The following GLYR1 variants were observed in gnomAD, a reference collection of about 807,000 sequenced individuals.
The protein encoded by GLYR1 is cytokine-like nuclear factor N-PAC.
In GLYR1, 21 loss-of-function variants were observed where a neutral mutation model predicts 72.7. The observed-to-expected ratio is 0.29, with a 90% CI of 0.20 to 0.42. GLYR1 has a LOEUF of 0.42. Ranked by LOEUF, GLYR1 falls within the 10% of genes least tolerant of loss-of-function variation. GLYR1 has a pLI of 1.00. For synonymous variants in GLYR1, 392 were observed against 270.2 expected, an observed-to-expected ratio of 1.45 and a Z score of -4.42; for missense variants, 594 against 712.1, an observed-to-expected ratio of 0.83 and a Z score of 1.89.
chr16:4,834,754 G>T (rs1458575043), intron 3 of GLYR1, among the ~76,000 whole-genome samples: 1 of 152,030 alleles, frequency 6.6e-6, no homozygotes, highest in African/African-American at 2.4e-5. Context: ...GTGTGAGCCA[G>T]CAAACTCCTT....
intron 2 of GLYR1, 115 bp downstream of exon 2, chr16:4,846,059 C>T: frequency 2.7e-6 from 3 of 1,106,556 alleles, no homozygotes. Flanking sequence ...ATTCTAAGTG[C>T]CATCTGAATG....
chr16:4,824,375 C>G (rs999025650), intron 5 of GLYR1, among the ~76,000 whole-genome samples: 3 of 151,690 alleles, frequency 2.0e-5, no homozygotes, highest in African/African-American at 7.3e-5. Context: ...TTAGCTGCAC[C>G]TGTACTCCCA....
intron 14 of GLYR1, 49 bp from the exon 15 acceptor site, chr16:4,811,343 A>G: frequency 6.2e-7 from 1 of 1,609,378 alleles, no homozygotes; most frequent in Non-Finnish European, 8.5e-7. Flanking sequence ...CCTGAAACTA[A>G]AAACTACTTA....
intron 15 of GLYR1, among the ~76,000 whole-genome samples, chr16:4,810,731 A>AAAT (rs1567654038): frequency 2.8e-5 from 4 of 142,492 alleles, no homozygotes; most frequent in African/African-American, 1.0e-4. Flanking sequence ...AAAAAAAAAA[A>AAAT]AATTAGCCGG....
intron 3 of GLYR1, among the ~76,000 whole-genome samples, chr16:4,835,239 C>T (rs1446078998): frequency 6.6e-6 from 1 of 152,132 alleles, no homozygotes; most frequent in African/African-American, 2.4e-5. Context: ...GAACCCGATT[C>T]TGAGGGAACA....
intron 3 of GLYR1, chr16:4,843,799 T>A: frequency 3.1e-6 from 1 of 324,786 alleles, no homozygotes; most frequent in Non-Finnish European, 4.6e-6. Context: ...TACAACTACT[T>A]AAAGAAATCA....
At chr16:4,825,734 C>T (rs935264544) in intron 5 of GLYR1, among the ~76,000 whole-genome samples, 2 of 152,032 alleles carry the variant, frequency 1.3e-5, no homozygotes, top group African/African-American at 4.8e-5. Context: ...TCACTGCAAC[C>T]TCTGTCTCCT....
In GLYR1 at chr16:4,803,364, T is replaced by G. The variant is rs1435736735; in HGVS notation, c.*1872A>C. The G allele has an allele frequency of 6.6e-6, 1 of 152,670 alleles. No individual in the cohort carries two copies. Among genetic ancestry groups the G allele is most frequent in the Non-Finnish European group, 1.5e-5 (1 of 68,046 alleles). The allele number at this position is 152,670 out of a possible 1,614,324, so 9.5% of individuals were successfully genotyped here. A position where few individuals can be genotyped will look rare whatever the true frequency, so the allele number is the denominator to read the frequency against. ...ATAAAAATTCACAACCTTAATTACC[T>G]AGATTTGTCATTTAAAGGTTTAAAG... On this transcript the variant is annotated 3_prime_UTR_variant, in exon 16 of 16. Transcript: ENST00000321919.
At chr16:4,812,280 TC>T (rs1402723444) in intron 12 of GLYR1, 32 bp from the exon 13 acceptor site, 12 of 1,599,154 alleles carry the variant, frequency 7.5e-6, no homozygotes, top group Non-Finnish European at 1.0e-5. Context: ...TCTGGAGGCC[TC>T]CCCTCTCCCA....
Position 4,818,800 on chromosome 16 carries a change from T to C in GLYR1, c.807-1103A>G, listed in dbSNP as rs138054398. On this transcript the variant is annotated intron_variant, in intron 9 of 15. Coordinates refer to ENST00000321919, the MANE Select transcript of GLYR1 (RefSeq NM_032569.4). Reference sequence around the variant, plus strand: ...CCAAAGCTAAGTCCTTCACCTGAGCTTGGAACCCAATCTTTCCCAGTCCAC... The same window carrying C: ...CCAAAGCTAAGTCCTTCACCTGAGCCTGGAACCCAATCTTTCCCAGTCCAC... 1.6e-4 allele frequency among the ~76,000 whole-genome samples: 25 copies of C among 152,274 alleles called. No homozygotes were observed. In the East Asian group the frequency reaches 4.8e-3, roughly 29 times the overall value.
chr16:4,817,889 C>T (rs538693725), intron 9 of GLYR1, 192 bp from the exon 10 acceptor site: 1 of 566,764 alleles, frequency 1.8e-6, no homozygotes, highest in Admixed American at 3.1e-5. Flanking sequence ...ATGCCATGGT[C>T]TAAAGCTGTC....
intron 9 of GLYR1, 64 bp downstream of exon 9, chr16:4,821,316 G>A: frequency 6.4e-7 from 1 of 1,554,294 alleles, no homozygotes; most frequent in Non-Finnish European, 8.9e-7. Flanking sequence ...CCCCCCTGGG[G>A]TCACCTTCTC....
chr16:4,821,314 G>A (rs1035672177), intron 9 of GLYR1, 66 bp downstream of exon 9: 22 of 1,538,648 alleles, frequency 1.4e-5, no homozygotes, highest in African/African-American at 2.7e-5. Context: ...AACCCCCCTG[G>A]GGTCACCTTC....
Position 4,811,671 on chromosome 16 carries a change from G to A in GLYR1, c.1414C>T (p.Leu472Phe). 3 of 1,614,204 alleles carry A rather than the reference G, an allele frequency of 1.9e-6. No individual in the cohort carries two copies. The highest frequency in any genetic ancestry group is 1.7e-6 in the Non-Finnish European group (2 of 1,180,046). Residue 472 changes from leucine to phenylalanine, a missense_variant, in exon 14 of 16, where the codon CTC becomes TTC. Around this residue, in one of 5 missense-constraint regions of GLYR1, gnomAD observed 266 missense variants for 358.4 expected, o/e 0.74. Transcript: ENST00000321919. ...GQSQQTLLDI[L>F]NQGQLASIFL... ...ATGCTGGCCAACTGTCCCTGATTGA[G>A]GATGTCCAAGAGTGTCTGCTGGGAC...
At chr16:4,805,444 G>A in intron 15 of GLYR1, 134 bp from the exon 16 acceptor site, 1 of 733,494 alleles carries the variant, frequency 1.4e-6, no homozygotes, top group Non-Finnish European at 2.4e-6. Flanking sequence ...GGAATCCTGT[G>A]TTGACCTTGC....
At chr16:4,844,912 A>G (rs2085877140) in intron 3 of GLYR1, among the ~76,000 whole-genome samples, 162 bp downstream of exon 3, 2 of 152,230 alleles carry the variant, frequency 1.3e-5, no homozygotes, top group African/African-American at 2.4e-5. Flanking sequence ...AATTTCTGCA[A>G]GAAATTGCAC....
At chr16:4,827,929 C>CA (rs1210262208) in intron 5 of GLYR1, among the ~76,000 whole-genome samples, 1 of 151,770 alleles carries the variant, frequency 6.6e-6, no homozygotes, top group Non-Finnish European at 1.5e-5. Context: ...ACCAAAAAAC[C>CA]AAAAAACGAA....
chr16:4,846,838 G>A (rs1050082832), intron 1 of GLYR1: 19 of 309,896 alleles, frequency 6.1e-5, no homozygotes, highest in Non-Finnish European at 6.6e-5. Flanking sequence ...TGACCGAATG[G>A]CACCGGCCAG....
intron 5 of GLYR1, among the ~76,000 whole-genome samples, chr16:4,830,810 G>T (rs1317970661): frequency 6.6e-6 from 1 of 152,166 alleles, no homozygotes; most frequent in Admixed American, 6.5e-5. Context: ...CATCTTGCTA[G>T]CTCCTCCTGC....
Sources: gnomAD v4.1 joint callset for allele counts (sites outside exome capture counted in the v4.1 genomes callset) on GRCh38, gnomAD v4.1.1 for gene constraint, gnomAD v4.1.1 regional missense constraint, MANE v1.5 for transcripts, NCBI Gene and HGNC (gene_info 2026-07-23, HGNC 2026-07-21) for gene names.